GNAI3: variants seen among roughly 807,000 people sequenced by gnomAD.
GNAI3 encodes guanine nucleotide-binding protein G(i) subunit alpha-3.
In GNAI3, 12 loss-of-function variants were observed where a neutral mutation model predicts 41.8. The ratio of observed to expected loss-of-function variants is 0.29; its 90% CI spans 0.18 to 0.47. The LOEUF is 0.47. Ranked by LOEUF, GNAI3 falls within the 20% of genes least tolerant of loss-of-function variation. The probability of loss-of-function intolerance (pLI) is 1.00; values close to 1 mark genes in which losing one functional copy is unlikely to be tolerated. For synonymous variants in GNAI3, 132 were observed against 146.5 expected (o/e 0.90, Z 0.71); for missense variants, 360 against 429.6 (o/e 0.84, Z 1.43).
At chr1:109,551,083 A>G (rs1647971810) in intron 1 of GNAI3, among the ~76,000 whole-genome samples, 1 of 152,272 alleles carries the variant, frequency 6.6e-6, no homozygotes, top group Non-Finnish European at 1.5e-5. Context: ...AATTAAAAAC[A>G]AAATTAGACA....
intron 1 of GNAI3, among the ~76,000 whole-genome samples, chr1:109,551,260 G>A (rs989552215): frequency 6.6e-6 from 1 of 152,158 alleles, no homozygotes; most frequent in Non-Finnish European, 1.5e-5. Flanking sequence ...GTTCTTGCTT[G>A]AGCCATATCA....
chr1:109,593,836 A>G lies in GNAI3; in HGVS notation c.*1514A>G, dbSNP rs2301230. The G allele has an allele frequency of 0.44, 66,508 of 152,430 alleles. 16,051 individuals are homozygous for G. Among genetic ancestry groups the G allele is most frequent in the East Asian group, 0.64 (3,312 of 5,166 alleles). The allele number at this position is 152,430 out of a possible 1,614,324, so 9.4% of individuals were successfully genotyped here. On this transcript the variant is annotated 3_prime_UTR_variant, in exon 9 of 9. Coordinates refer to ENST00000369851, the MANE Select transcript of GNAI3 (RefSeq NM_006496.4). ...TTGAATGCTCTATTGGGGGAAGACA[A>G]ATGAAGAGAATGCATTTTGAGCATT...
intron 7 of GNAI3, among the ~76,000 whole-genome samples, chr1:109,588,322 C>G (rs1649085534): frequency 6.7e-6 from 1 of 149,910 alleles, no homozygotes; most frequent in Admixed American, 6.7e-5. Context: ...GCAGAGCTTG[C>G]AGTGAGCCGA....
intron 1 of GNAI3, among the ~76,000 whole-genome samples, chr1:109,566,707 G>A (rs1648463735): frequency 6.6e-6 from 1 of 152,178 alleles, no homozygotes; most frequent in East Asian, 1.9e-4. Flanking sequence ...GATTACAGGT[G>A]CCCGCCACCA....
intron 1 of GNAI3, among the ~76,000 whole-genome samples, chr1:109,562,130 A>C (rs1173756889): frequency 6.6e-6 from 1 of 152,232 alleles, no homozygotes; most frequent in Non-Finnish European, 1.5e-5. Flanking sequence ...ATATACATAC[A>C]CAAGATATGT....
intron 7 of GNAI3, chr1:109,591,609 A>G: frequency 2.1e-6 from 1 of 474,300 alleles, no homozygotes; most frequent in Non-Finnish European, 3.8e-6. Flanking sequence ...GTATTGTTCC[A>G]ATTTTAGTAC....
intron 5 of GNAI3, 73 bp downstream of exon 5, chr1:109,582,638 A>G: frequency 9.3e-7 from 1 of 1,079,544 alleles, no homozygotes; most frequent in Non-Finnish European, 1.4e-6. Flanking sequence ...TCTCTTAATC[A>G]GGGTAAAATT....
intron 1 of GNAI3, among the ~76,000 whole-genome samples, chr1:109,549,863 A>G (rs905208419): frequency 6.6e-6 from 1 of 152,216 alleles, no homozygotes; most frequent in Non-Finnish European, 1.5e-5. Context: ...TTTACTCAAC[A>G]TGAGTTTCAA....
intron 1 of GNAI3, among the ~76,000 whole-genome samples, chr1:109,562,373 G>A (rs1648333620): frequency 6.6e-6 from 1 of 152,136 alleles, no homozygotes; most frequent in African/African-American, 2.4e-5. Flanking sequence ...AGCATTGGTG[G>A]ATTTTGGTAT....
chr1:109,577,697 C>T lies in GNAI3; in HGVS notation c.304-1507C>T, dbSNP rs187128950. ...TACTAGAAAGAATACAGGAAAGGAT[C>T]ATAAAGGAGGAAATATTACTAGGTA... On this transcript the variant is annotated intron_variant, in intron 3 of 8. Coordinates refer to ENST00000369851, the MANE Select transcript of GNAI3 (RefSeq NM_006496.4). 3.0e-3 allele frequency among the ~76,000 whole-genome samples: 460 copies of T among 152,228 alleles called. 7 individuals are homozygous for T. Among genetic ancestry groups the T allele is most frequent in the Non-Finnish European group, 1.0e-3 (68 of 68,012 alleles).
intron 7 of GNAI3, among the ~76,000 whole-genome samples, chr1:109,588,092 C>G (rs997243622): frequency 1.3e-5 from 2 of 152,264 alleles, no homozygotes; most frequent in African/African-American, 4.8e-5. Context: ...GTAAAAAGAT[C>G]AGACTAGGCT....
rs762635947 is a variant in GNAI3 at position 109,579,232 on chromosome 1, C to T, written c.332C>T (p.Ala111Val). The T allele has an allele frequency of 4.3e-6, 7 of 1,612,304 alleles. No individual in the cohort carries two copies. The highest frequency in any genetic ancestry group is 5.1e-6 in the Non-Finnish European group (6 of 1,179,088). The change falls in exon 4 of 9, where the codon GCT becomes GTT. Residue 111 changes from alanine to valine, a missense_variant. Physicochemically the swap from Ala to Val is moderately conservative, Grantham distance 64 (BLOSUM62 0). Transcript: ENST00000369851. The stretch of plus-strand genomic sequence containing the variant: ...GATGCCCGGCAATTATTTGTTTTAG[C>T]TGGCAGTGCTGAAGAAGGAGTCATG... ...ADDARQLFVL[A>V]GSAEEGVMTP...
chr1:109,591,007 A>T (rs1195133047), intron 7 of GNAI3, among the ~76,000 whole-genome samples: 2 of 152,184 alleles, frequency 1.3e-5, no homozygotes, highest in Non-Finnish European at 2.9e-5. Context: ...CTGGCTTTAT[A>T]GCCAGTTTCT....
intron 3 of GNAI3, among the ~76,000 whole-genome samples, chr1:109,577,896 C>T (rs1207088456): frequency 6.6e-6 from 1 of 152,154 alleles, no homozygotes; most frequent in Non-Finnish European, 1.5e-5. Context: ...GTTTATTTGT[C>T]TTGATGACTA....
intron 1 of GNAI3, among the ~76,000 whole-genome samples, chr1:109,565,098 T>C (rs1022425305): frequency 7.2e-5 from 11 of 151,820 alleles, no homozygotes; most frequent in African/African-American, 2.7e-4. Flanking sequence ...CCGTCTCTAC[T>C]AAAACTACAA....
At chr1:109,550,016 C>T (rs1339557087) in intron 1 of GNAI3, among the ~76,000 whole-genome samples, 1 of 151,972 alleles carries the variant, frequency 6.6e-6, no homozygotes, top group Non-Finnish European at 1.5e-5. Flanking sequence ...GTAGTATTTC[C>T]ATTAGAGAAG....
chr1:109,548,904 G>A, intron 1 of GNAI3, 66 bp downstream of exon 1: 2 of 1,092,758 alleles, frequency 1.8e-6, no homozygotes, highest in South Asian at 1.3e-5. Flanking sequence ...AGGCCTGAAC[G>A]GGGTCTGGTC....
At chr1:109,555,137 C>T (rs562627368) in intron 1 of GNAI3, among the ~76,000 whole-genome samples, 13 of 152,214 alleles carry the variant, frequency 8.5e-5, no homozygotes, top group Non-Finnish European at 1.6e-4. Flanking sequence ...AATGCAATTC[C>T]CATTAAAGTA....
At chr1:109,586,175 T>A in intron 5 of GNAI3, 41 bp from the exon 6 acceptor site, 1 of 1,600,824 alleles carries the variant, frequency 6.2e-7, no homozygotes, top group Non-Finnish European at 8.5e-7. Context: ...GGAAGGTGTA[T>A]GTGTGACCTT....
Sources: allele counts gnomAD v4.1 joint callset (sites outside exome capture counted in the v4.1 genomes callset), GRCh38; gene constraint gnomAD v4.1.1; transcripts MANE v1.5; gene names NCBI Gene and HGNC (gene_info 2026-07-23, HGNC 2026-07-21).